Variants in ZYG11B observed in about 807,000 individuals in gnomAD.
ZYG11B encodes protein zyg-11 homolog B.
In ZYG11B, 36 loss-of-function variants were observed where a neutral mutation model predicts 82.4. That is an observed-to-expected ratio of 0.44 (90% CI 0.33 to 0.58). The LOEUF (loss-of-function observed/expected upper bound fraction) is 0.58. ZYG11B is among the 20% of genes least tolerant of loss of function. The probability of loss-of-function intolerance (pLI) is 0.02; values close to 1 mark genes in which losing one functional copy is unlikely to be tolerated. For synonymous variants in ZYG11B, 303 were observed against 312.8 expected (o/e 0.97, Z 0.33); for missense variants, 552 against 895.6 (o/e 0.62, Z 4.90).
At position 52,825,825 on chromosome 1, in the gene ZYG11B, T is replaced by C. The variant is rs1401786021; in HGVS notation, c.*4196T>C. The C allele has an allele frequency of 6.6e-6, 1 of 152,130 alleles. No individual in the cohort carries two copies. The highest frequency in any genetic ancestry group is 2.4e-5 in the African/African-American group (1 of 41,410). 9.4% of individuals were successfully genotyped at this position (152,130 alleles called of 1,614,324 possible). A position where few individuals can be genotyped will look rare whatever the true frequency, so the allele number is the denominator to read the frequency against. On this transcript the variant is annotated 3_prime_UTR_variant, in exon 14 of 14. Coordinates refer to ENST00000294353, the MANE Select transcript of ZYG11B (RefSeq NM_024646.3). ...CTTAGCTGTGTTTTTAATTATGCCATGCATCAACATAACACCGGGCCATCT... is the reference window on the plus strand; with the variant it reads ...CTTAGCTGTGTTTTTAATTATGCCACGCATCAACATAACACCGGGCCATCT...
At chr1:52,783,831 C>CGTGTGTATATGTACATACACGTGT (rs1644879853) in intron 4 of ZYG11B, among the ~76,000 whole-genome samples, 2 of 72,526 alleles carry the variant, frequency 2.8e-5, no homozygotes, top group South Asian at 8.9e-4. Context: ...TGTATACATA[C>CGTGTGTATATGTACATACACGTGT]GTGTGTATAT....
intron 1 of ZYG11B, among the ~76,000 whole-genome samples, chr1:52,750,200 C>T (rs1644509298): frequency 2.6e-5 from 4 of 151,122 alleles, no homozygotes; most frequent in African/African-American, 9.7e-5. Context: ...GGGGTTCAGG[C>T]GATTCTCCTG....
At chr1:52,795,036 G>C (rs898667722) in intron 6 of ZYG11B, among the ~76,000 whole-genome samples, 1 of 152,112 alleles carries the variant, frequency 6.6e-6, no homozygotes, top group African/African-American at 2.4e-5. Flanking sequence ...CTCTCATTCA[G>C]AGTAAAAGCT....
At chr1:52,796,910 ATT>A (rs1491092275) in intron 8 of ZYG11B, 126 bp downstream of exon 8, 2 of 94,436 alleles carry the variant, frequency 2.1e-5, no homozygotes, top group Admixed American at 2.0e-4. Context: ...TTATATATAT[ATT>A]ATATATTATA....
At chr1:52,789,185 A>G (rs1644936085) in intron 5 of ZYG11B, among the ~76,000 whole-genome samples, 1 of 152,270 alleles carries the variant, frequency 6.6e-6, no homozygotes, top group Middle Eastern at 3.4e-3. Flanking sequence ...TGCATCTTCC[A>G]TGAAGCAAAT....
intron 1 of ZYG11B, among the ~76,000 whole-genome samples, chr1:52,755,163 G>A (rs1238431287): frequency 6.6e-6 from 1 of 151,830 alleles, no homozygotes; most frequent in South Asian, 2.1e-4. Flanking sequence ...GGATTTGACC[G>A]TGTTAGCCAG....
intron 8 of ZYG11B, among the ~76,000 whole-genome samples, chr1:52,797,145 ATATT>A (rs1220433719): frequency 1.3e-5 from 1 of 76,230 alleles, no homozygotes; most frequent in Non-Finnish European, 2.1e-5. Context: ...TATATATTAT[ATATT>A]ATATATTTAT....
chr1:52,789,298 T>C (rs1419989541), intron 5 of ZYG11B, among the ~76,000 whole-genome samples: 1 of 152,210 alleles, frequency 6.6e-6, no homozygotes, highest in African/African-American at 2.4e-5. Context: ...ATTAAGTCTT[T>C]TTAGATAAGA....
At chr1:52,732,547 C>G (rs1260461092) in intron 1 of ZYG11B, among the ~76,000 whole-genome samples, 1 of 152,024 alleles carries the variant, frequency 6.6e-6, no homozygotes, top group Non-Finnish European at 1.5e-5. Flanking sequence ...ATCACGAGGT[C>G]AAGAGATTGA....
chr1:52,796,443 A>G (rs1645006954), intron 7 of ZYG11B, 52 bp downstream of exon 7: 2 of 1,415,912 alleles, frequency 1.4e-6, no homozygotes, highest in Admixed American at 3.6e-5. Context: ...TTCTCACTAC[A>G]TTTACTGTTT....
At chr1:52,748,069 TAAG>T in intron 1 of ZYG11B, among the ~76,000 whole-genome samples, 1 of 152,354 alleles carries the variant, frequency 6.6e-6, no homozygotes, top group Non-Finnish European at 1.5e-5. Context: ...GTAGAGTAGT[TAAG>T]AACTTAAAAA....
chr1:52,816,776 T>G, intron 13 of ZYG11B, 147 bp downstream of exon 13: 1 of 528,424 alleles, frequency 1.9e-6, no homozygotes, highest in Non-Finnish European at 3.3e-6. Flanking sequence ...AAACTTAAGG[T>G]ATTCTTTTTT....
At chr1:52,726,851 C>G (rs940746570) in intron 1 of ZYG11B, among the ~76,000 whole-genome samples, 168 bp downstream of exon 1, 1 of 152,062 alleles carries the variant, frequency 6.6e-6, no homozygotes, top group African/African-American at 2.4e-5. Context: ...TCCTCCTTCC[C>G]CATTCACCTG....
chr1:52,772,520 C>A (rs1015815961), intron 3 of ZYG11B: 2 of 1,609,368 alleles, frequency 1.2e-6, no homozygotes, highest in Non-Finnish European at 1.7e-6. Context: ...GAGTAAGGCC[C>A]TTCTTGGCCA....
intron 1 of ZYG11B, among the ~76,000 whole-genome samples, chr1:52,745,620 A>G (rs1461068812): frequency 1.3e-5 from 2 of 152,122 alleles, no homozygotes; most frequent in African/African-American, 4.8e-5. Context: ...GCTGGAGTGC[A>G]GTGGCGCGAT....
chr1:52,760,955 GT>G (rs1219614641), intron 2 of ZYG11B, among the ~76,000 whole-genome samples: 2 of 151,776 alleles, frequency 1.3e-5, no homozygotes, highest in African/African-American at 4.8e-5. Context: ...TAGAGACAGG[GT>G]TTCACCATGT....
chr1:52,726,519 G>A lies in ZYG11B; in HGVS notation c.-135G>A. 1.2e-6 allele frequency: 1 copy of A among 821,468 alleles called. No individual in the cohort carries two copies. Among genetic ancestry groups the A allele is most frequent in the Non-Finnish European group, 1.7e-6 (1 of 600,180 alleles). The allele number at this position is 821,468 out of a possible 1,614,324, so 50.9% of individuals were successfully genotyped here. A position where few individuals can be genotyped will look rare whatever the true frequency, so the allele number is the denominator to read the frequency against. On this transcript the variant is annotated 5_prime_UTR_variant, in exon 1 of 14. Transcript: ENST00000294353. ...TGCGGCTGCTACTGCTACGCTCCTA[G>A]CTTGAGGGAAAGAGGCCGAGGCCTG... is the stretch of plus-strand genomic sequence containing the variant.
chr1:52,783,603 T>C (rs371467309), intron 4 of ZYG11B, among the ~76,000 whole-genome samples: 5 of 150,214 alleles, frequency 3.3e-5, no homozygotes, highest in African/African-American at 1.2e-4. Flanking sequence ...TTCAGTTTTC[T>C]TTCTTTCTTT....
At chr1:52,778,050 A>G (rs1168524723) in intron 3 of ZYG11B, among the ~76,000 whole-genome samples, 1 of 152,180 alleles carries the variant, frequency 6.6e-6, no homozygotes, top group Non-Finnish European at 1.5e-5. Flanking sequence ...TCAGCCTCCC[A>G]AAGTGGTGGG....
Sources: allele counts gnomAD v4.1 joint callset (sites outside exome capture counted in the v4.1 genomes callset), GRCh38; gene constraint gnomAD v4.1.1; transcripts MANE v1.5; gene names NCBI Gene and HGNC (gene_info 2026-07-23, HGNC 2026-07-21).